The following FMO5 variants were observed in gnomAD, a reference collection of about 807,000 sequenced individuals.
FMO5 encodes the protein flavin containing dimethylaniline monoxygenase 5, also known as flavin-containing monooxygenase 5.
A neutral mutation model predicts 43.6 loss-of-function variants in FMO5; 51 were observed. That is an observed-to-expected ratio of 1.17 (90% CI 0.93 to 1.48). The LOEUF (loss-of-function observed/expected upper bound fraction) is 1.48, where lower values mean the gene tolerates loss of function less well. Among genes scored for constraint, FMO5 ranks in the 40% most tolerant of loss-of-function variants. The pLI, the probability that FMO5 is intolerant of heterozygous loss-of-function variation, is 0.00. For synonymous variants in FMO5, 187 were observed against 216.5 expected (o/e 0.86, Z 1.20); for missense variants, 644 against 643.0 (o/e 1.00, Z -0.02).
At chr1:147,220,098 A>G (rs1662749134) in intron 2 of FMO5, among the ~76,000 whole-genome samples, 1 of 152,126 alleles carries the variant, frequency 6.6e-6, no homozygotes, top group Non-Finnish European at 1.5e-5. Context: ...TCGGCCTCCC[A>G]AAGTGCTGGG....
intron 5 of FMO5, chr1:147,210,051 T>C (rs1407805312): frequency 5.3e-5 from 8 of 152,212 alleles, no homozygotes; most frequent in African/African-American, 1.9e-4. Flanking sequence ...TAAGTCATTG[T>C]GCTAGGTCCT....
intron 7 of FMO5, among the ~76,000 whole-genome samples, chr1:147,190,679 A>C (rs997795912): frequency 3.3e-5 from 5 of 151,214 alleles, no homozygotes; most frequent in African/African-American, 1.2e-4. Context: ...AGTAAAAATA[A>C]ATTTTTTGTT....
In FMO5 at chr1:147,190,214, C is replaced by T. The variant is rs782221869; in HGVS notation, c.1219G>A (p.Ala407Thr). 4 of 1,611,706 alleles carry T rather than the reference C, an allele frequency of 2.5e-6. No individual in the cohort carries two copies. The Admixed American group carries it at 6.7e-5, about 27-fold the overall frequency. The change falls in exon 8 of 9, where the codon GCA (alanine) becomes ACA (threonine). Residue 407 changes from alanine to threonine, a missense_variant. Coordinates refer to ENST00000254090, the MANE Select transcript of FMO5 (RefSeq NM_001461.4). The part of the protein sequence containing the change: ...KTLPSQSEMM[A>T]EISKAQEEID... ...TCCTCTTGAGCTTTAGATATTTCTGCCATCATTTCACTCTGTGAGGGCAAT... is the reference window on the plus strand; with the variant it reads ...TCCTCTTGAGCTTTAGATATTTCTGTCATCATTTCACTCTGTGAGGGCAAT...
rs898343483 is a variant in FMO5, at chr1:147,222,234, G to T, written c.135+2661C>A. 5.3e-5 allele frequency among the ~76,000 whole-genome samples: 8 copies of T among 152,320 alleles called. 1 individual carries two copies. Among genetic ancestry groups the T allele is most frequent in the Admixed American group, 5.2e-4 (8 of 15,298 alleles). ...AAAATACAAGAATTAGCAAGGCGTA[G>T]TAGTGCGTGTATAATTTCAGCTACT... On this transcript the variant is annotated intron_variant, in intron 2 of 8. Coordinates refer to ENST00000254090, the MANE Select transcript of FMO5 (RefSeq NM_001461.4).
chr1:147,191,850 G>T (rs1419432813), intron 7 of FMO5, among the ~76,000 whole-genome samples: 1 of 152,014 alleles, frequency 6.6e-6, no homozygotes, highest in East Asian at 1.9e-4. Context: ...TGAGGGCTCT[G>T]TCCTGTTCCA....
In FMO5 at chr1:147,215,780, C is replaced by T. The variant is rs894955788; in HGVS notation, c.298G>A (p.Asp100Asn). The T allele has an allele frequency of 2.5e-6, 4 of 1,608,816 alleles. No individual in the cohort carries two copies. In the African/African-American group the frequency reaches 5.4e-5, roughly 22 times the overall value. ...TTAAATCGAATATACTTTAGAAGGT[C>T]AAATTCTTTGGCATACATCCTGAAA... ...EYFRMYAKEFDLLKYIRFKTT... is the reference protein window; with the variant it reads ...EYFRMYAKEFNLLKYIRFKTT... Residue 100 changes from aspartate (D) to asparagine (N), a missense_variant, in exon 3 of 9, where the codon GAC (aspartate) becomes AAC (asparagine). Physicochemically the swap from Asp to Asn is conservative, Grantham distance 23 (BLOSUM62 1). Coordinates refer to ENST00000254090, the MANE Select transcript of FMO5 (RefSeq NM_001461.4).
At chr1:147,220,531 C>T (rs1285441886) in intron 2 of FMO5, among the ~76,000 whole-genome samples, 1 of 151,950 alleles carries the variant, frequency 6.6e-6, no homozygotes, top group Admixed American at 6.6e-5. Flanking sequence ...GACTTTGTTC[C>T]AAAGAGTATA....
chr1:147,196,180 A>C (rs1657959999), intron 7 of FMO5, among the ~76,000 whole-genome samples: 1 of 152,108 alleles, frequency 6.6e-6, no homozygotes, highest in Non-Finnish European at 1.5e-5. Flanking sequence ...TCTAATAACT[A>C]TCCTGGTGTA....
chr1:147,186,445 A>G lies in FMO5; in HGVS notation c.*455T>C. The G allele has an allele frequency of 1.1e-6, 1 of 919,518 alleles. No homozygotes were observed. The highest frequency in any genetic ancestry group is 1.3e-6 in the Non-Finnish European group (1 of 770,232). The allele number at this position is 919,518 out of a possible 1,614,324, so 57.0% of individuals were successfully genotyped here. A position where few individuals can be genotyped will look rare whatever the true frequency, so the allele number is the denominator to read the frequency against. ...TTATTTCTCTTATCTCTCAGGAAAC[A>G]TATTTAGTTATAATATGAAAAAAAA... On this transcript the variant is annotated 3_prime_UTR_variant, in exon 9 of 9. Transcript: ENST00000254090.
At chr1:147,185,909 C>T (rs977582087), downstream of FMO5, among the ~76,000 whole-genome samples, 6 of 152,144 alleles carry the variant, frequency 3.9e-5, no homozygotes, top group African/African-American at 1.4e-4. Context: ...CACTTTACGA[C>T]ATGAGAAAAA....
chr1:147,195,603 T>C (rs1408227045), intron 7 of FMO5, among the ~76,000 whole-genome samples: 6 of 152,142 alleles, frequency 3.9e-5, no homozygotes, highest in African/African-American at 1.4e-4. Context: ...TTGTAGGAAT[T>C]ATACACCAAG....
chr1:147,193,628 T>C (rs1251267772), intron 7 of FMO5, among the ~76,000 whole-genome samples: 1 of 152,198 alleles, frequency 6.6e-6, no homozygotes, highest in Non-Finnish European at 1.5e-5. Context: ...TTTCCTGCTT[T>C]CTCTTGTGGG....
At chr1:147,204,552 C>A in intron 6 of FMO5, 2 of 1,584,614 alleles carry the variant, frequency 1.3e-6, no homozygotes, top group Non-Finnish European at 1.7e-6. Flanking sequence ...CTTCTATGAC[C>A]TCTGAAACTG....
At chr1:147,223,467 TA>T (rs1254332740) in intron 2 of FMO5, 3 of 152,254 alleles carry the variant, frequency 2.0e-5, no homozygotes, top group Non-Finnish European at 4.4e-5. Flanking sequence ...ATATGAAACG[TA>T]AAACTTATCT....
rs587715669 is a variant in FMO5 at position 147,194,627 on chromosome 1, T to C, written c.1184-4378A>G. ...TTGACAGTCTTTACATTTTGGCATG[T>C]TTTTGCAGTGGCTGGTACCGGTTGT... On this transcript the variant is annotated intron_variant, in intron 7 of 8. Transcript: ENST00000254090. Among the ~76,000 whole-genome samples the C allele has an allele frequency of 7.3e-5, 11 of 150,476 alleles. No individual in the cohort carries two copies. In the East Asian group the frequency reaches 1.9e-3, roughly 26 times the overall value.
intron 3 of FMO5, 21 bp from the exon 4 acceptor site, chr1:147,213,491 C>A: frequency 1.3e-6 from 2 of 1,576,610 alleles, no homozygotes; most frequent in Non-Finnish European, 8.6e-7. Flanking sequence ...AAGTGATAAC[C>A]ACAGGGGACA....
At chr1:147,199,630 T>G (rs1658638098) in intron 7 of FMO5, among the ~76,000 whole-genome samples, 1 of 152,220 alleles carries the variant, frequency 6.6e-6, no homozygotes, top group Admixed American at 6.5e-5. Context: ...CCTGTTTTAA[T>G]GAACTGTTCT....
chr1:147,223,832 T>C (rs187000978), intron 2 of FMO5: 3 of 299,198 alleles, frequency 1.0e-5, no homozygotes, highest in South Asian at 3.0e-5. Context: ...AAACAGCTAC[T>C]GACTGCTTAC....
At chr1:147,221,675 A>G (rs1338923889) in intron 2 of FMO5, among the ~76,000 whole-genome samples, 3 of 152,210 alleles carry the variant, frequency 2.0e-5, no homozygotes, top group Admixed American at 1.3e-4. Flanking sequence ...CAAAAGTTCA[A>G]CGTTTACAAA....
Sources: allele counts gnomAD v4.1 joint callset (sites outside exome capture counted in the v4.1 genomes callset), GRCh38; gene constraint gnomAD v4.1.1; transcripts MANE v1.5; gene names NCBI Gene and HGNC (gene_info 2026-07-23, HGNC 2026-07-21).